The following CDH13 variants were observed in gnomAD, a reference collection of about 807,000 sequenced individuals.
CDH13 encodes the protein cadherin 13.
In CDH13, 24 loss-of-function variants were observed where a neutral mutation model predicts 63.8. The observed-to-expected ratio is 0.38, with a 90% CI of 0.27 to 0.53. CDH13 has a LOEUF of 0.53. Among genes scored for constraint, CDH13 ranks in the 20% least tolerant of loss-of-function variants. The pLI is 0.85. For missense variants in CDH13, 1,049 were observed against 903.1 expected (o/e 1.16, Z -2.07); for synonymous variants, 503 against 355.3 (o/e 1.42, Z -4.67).
At chr16:82,910,991 A>G (rs1329605612) in intron 2 of CDH13, among the ~76,000 whole-genome samples, 1 of 152,144 alleles carries the variant, frequency 6.6e-6, no homozygotes, top group South Asian at 2.1e-4. Context: ...AAGTAGGGTA[A>G]TGATGCTGAG....
chr16:82,783,878 G>A (rs1288903600), intron 1 of CDH13, among the ~76,000 whole-genome samples: 1 of 152,160 alleles, frequency 6.6e-6, no homozygotes, highest in Non-Finnish European at 1.5e-5. Context: ...TGGAGATGGA[G>A]TTAGTGGAGG....
chr16:82,851,211 G>T (rs773293972), intron 1 of CDH13, among the ~76,000 whole-genome samples: 1 of 151,998 alleles, frequency 6.6e-6, no homozygotes, highest in Admixed American at 6.5e-5. Flanking sequence ...TGAGGCGGGC[G>T]AATCGCAAGG....
intron 8 of CDH13, among the ~76,000 whole-genome samples, chr16:83,644,759 C>T (rs1818034239): frequency 6.6e-6 from 1 of 152,068 alleles, no homozygotes; most frequent in Non-Finnish European, 1.5e-5. Context: ...GTGGGGGTCC[C>T]CAGTGAAGTA....
At chr16:83,266,129 G>A (rs978028510) in intron 5 of CDH13, among the ~76,000 whole-genome samples, 1 of 151,948 alleles carries the variant, frequency 6.6e-6, no homozygotes, top group South Asian at 2.1e-4. Context: ...TAGAGACGGG[G>A]TTTTTACCAC....
chr16:82,896,364 T>TTATTGCA (rs2041262490), intron 2 of CDH13, among the ~76,000 whole-genome samples: 1 of 148,270 alleles, frequency 6.7e-6, no homozygotes, highest in African/African-American at 2.5e-5. Flanking sequence ...CTATCACAGC[T>TTATTGCA]TATTGCAGTC....
At chr16:83,671,116 A>G in intron 9 of CDH13, 144 bp downstream of exon 9, 1 of 717,140 alleles carries the variant, frequency 1.4e-6, no homozygotes, top group Non-Finnish European at 2.3e-6. Context: ...GAAAAGGCTC[A>G]TGGCTTAAGG....
intron 6 of CDH13, among the ~76,000 whole-genome samples, chr16:83,484,695 G>C (rs1475830972): frequency 6.6e-6 from 1 of 152,318 alleles, no homozygotes; most frequent in East Asian, 1.9e-4. Flanking sequence ...ACCATTACCA[G>C]GGAGAAGTTC....
intron 2 of CDH13, among the ~76,000 whole-genome samples, chr16:82,973,953 C>T (rs899147058): frequency 6.6e-6 from 1 of 152,030 alleles, no homozygotes; most frequent in Non-Finnish European, 1.5e-5. Context: ...AACAGAGTTA[C>T]CCACTGTTGT....
chr16:83,106,896 AT>A (rs1555589744), intron 3 of CDH13, among the ~76,000 whole-genome samples: 17 of 150,902 alleles, frequency 1.1e-4, no homozygotes, highest in African/African-American at 2.4e-4. Flanking sequence ...TATGTGGATG[AT>A]TTTTTTTTTA....
chr16:83,149,087 C>A (rs1232681013), intron 4 of CDH13, among the ~76,000 whole-genome samples: 1 of 152,236 alleles, frequency 6.6e-6, no homozygotes. Flanking sequence ...ATGTCCTTAT[C>A]TTGTTACTAT....
chr16:83,380,456 A>C (rs78600318), intron 6 of CDH13, among the ~76,000 whole-genome samples: 16,460 of 152,226 alleles, frequency 0.11, 1,165 homozygotes, highest in Non-Finnish European at 0.16. Context: ...TGACAGATAC[A>C]CGTGAAACCT....
intron 10 of CDH13, among the ~76,000 whole-genome samples, chr16:83,724,859 G>C (rs977724984): frequency 1.3e-5 from 2 of 152,104 alleles, no homozygotes; most frequent in African/African-American, 4.8e-5. Context: ...GATGGCCTTT[G>C]GGTACAACTC....
chr16:82,771,323 G>T (rs1489824505), intron 1 of CDH13, among the ~76,000 whole-genome samples: 4 of 152,166 alleles, frequency 2.6e-5, no homozygotes, highest in African/African-American at 7.2e-5. Context: ...GGGCTAAACT[G>T]GTTATCTGTG....
At chr16:82,929,495 C>CA (rs1259614172) in intron 2 of CDH13, among the ~76,000 whole-genome samples, 2 of 150,512 alleles carry the variant, frequency 1.3e-5, no homozygotes, top group African/African-American at 2.4e-5. Context: ...ACTAAAAATA[C>CA]AAAAAAATTA....
chr16:83,634,588 A>T (rs1276152682), intron 8 of CDH13, among the ~76,000 whole-genome samples: 1 of 151,940 alleles, frequency 6.6e-6, no homozygotes, highest in Non-Finnish European at 1.5e-5. Flanking sequence ...TTTAGTAGAG[A>T]CAGGGTTTCA....
intron 5 of CDH13, among the ~76,000 whole-genome samples, chr16:83,338,578 C>A (rs1160784495): frequency 6.6e-6 from 1 of 152,200 alleles, no homozygotes; most frequent in African/African-American, 2.4e-5. Flanking sequence ...GGAAGTGTTA[C>A]AAAGCAAGGA....
intron 1 of CDH13, among the ~76,000 whole-genome samples, chr16:82,672,521 C>T (rs7198915): frequency 0.81 from 123,502 of 151,862 alleles, 50,377 homozygotes; most frequent in African/African-American, 0.86. Flanking sequence ...GGATTCGAAA[C>T]GTCCAGTATC....
intron 6 of CDH13, among the ~76,000 whole-genome samples, chr16:83,371,327 T>C (rs2091363412): frequency 6.6e-6 from 1 of 152,230 alleles, no homozygotes; most frequent in Admixed American, 6.5e-5. Flanking sequence ...TCATTTCTTT[T>C]GCATTAGTGG....
intron 1 of CDH13, chr16:82,639,317 G>A (rs1403810611): frequency 4.3e-6 from 6 of 1,407,434 alleles, no homozygotes; most frequent in Non-Finnish European, 5.8e-6. Context: ...GTCAGCCCGG[G>A]GTCATTTGTG....
Sources: gnomAD v4.1 joint callset for allele counts (sites outside exome capture counted in the v4.1 genomes callset) on GRCh38, gnomAD v4.1.1 for gene constraint, MANE v1.5 for transcripts, NCBI Gene and HGNC (gene_info 2026-07-23, HGNC 2026-07-21) for gene names.